Variants in CNTN5 observed in about 807,000 individuals in gnomAD.
CNTN5 encodes contactin 5.
A neutral mutation model predicts 129.1 loss-of-function variants in CNTN5; 77 were observed. The ratio of observed to expected loss-of-function variants is 0.60; its 90% CI spans 0.50 to 0.72. The LOEUF (loss-of-function observed/expected upper bound fraction) is 0.72, where lower values mean the gene tolerates loss of function less well. Ranked by LOEUF, CNTN5 falls within the 30% of genes least tolerant of loss-of-function variation. The pLI is 0.00. For missense variants in CNTN5, 1,478 were observed against 1,328.8 expected (o/e 1.11, Z -1.75); for synonymous variants, 509 against 465.6 (o/e 1.09, Z -1.20).
chr11:99,947,744 A>G (rs2136135674), intron 7 of CNTN5, among the ~76,000 whole-genome samples: 1 of 152,246 alleles, frequency 6.6e-6, no homozygotes, highest in South Asian at 2.1e-4. Flanking sequence ...TCACCTACCT[A>G]TAAGGGGGAC....
Position 99,262,589 on chromosome 11 carries a change from C to T in CNTN5, c.-209-62757C>T, listed in dbSNP as rs77639549. Among the ~76,000 whole-genome samples the T allele has an allele frequency of 1.4e-3, 201 of 146,952 alleles. 2 individuals are homozygous for T. The highest frequency in any genetic ancestry group is 4.9e-3 in the African/African-American group (190 of 38,392). On this transcript the variant is annotated intron_variant, in intron 1 of 24. Transcript: ENST00000524871. ...AAAAACATGTATTGCTTATCATAGA[C>T]TTCTTTGTTTCTTTTTTTTTTTCTC...
intron 1 of CNTN5, among the ~76,000 whole-genome samples, chr11:99,304,485 C>T (rs766234982): frequency 6.6e-6 from 1 of 152,164 alleles, no homozygotes; most frequent in African/African-American, 2.4e-5. Flanking sequence ...TAATACCAAA[C>T]TCCTTGCAAA....
At chr11:100,197,755 C>G (rs1948682524) in intron 15 of CNTN5, among the ~76,000 whole-genome samples, 1 of 151,996 alleles carries the variant, frequency 6.6e-6, no homozygotes, top group Non-Finnish European at 1.5e-5. Context: ...CACTGAATAT[C>G]ATGGTGGCCT....
chr11:99,243,906 C>T (rs1245636731), intron 1 of CNTN5, among the ~76,000 whole-genome samples: 1 of 151,648 alleles, frequency 6.6e-6, no homozygotes, highest in Non-Finnish European at 1.5e-5. Context: ...TGTGATGCCT[C>T]CAGCTGTATT....
rs533788066 is a variant in CNTN5 at position 99,868,975 on chromosome 11, C to T, written c.577+23713C>T. ...AGGCAATAGCAGTGATTTCAAACAC[C>T]AATTAAGTTGGAACGTTCAGACCCA... On this transcript the variant is annotated intron_variant, in intron 6 of 24. Transcript: ENST00000524871. Among the ~76,000 whole-genome samples, 7 of 152,194 alleles carry T rather than the reference C, an allele frequency of 4.6e-5. No homozygotes were observed. The East Asian group carries it at 7.7e-4, about 17-fold the overall frequency.
At chr11:100,173,823 A>T (rs984095441) in intron 13 of CNTN5, among the ~76,000 whole-genome samples, 1 of 152,076 alleles carries the variant, frequency 6.6e-6, no homozygotes, top group Admixed American at 6.6e-5. Context: ...AAGGGACCAC[A>T]ACAGAAGTTA....
At chr11:99,729,997 A>C (rs1258328273) in intron 3 of CNTN5, among the ~76,000 whole-genome samples, 1 of 152,104 alleles carries the variant, frequency 6.6e-6, no homozygotes, top group African/African-American at 2.4e-5. Flanking sequence ...CGTGTGCCAT[A>C]GTGGTTTGCT....
rs1174700390 is a variant in CNTN5 at position 99,742,673 on chromosome 11, C to T, written c.56-76871C>T. ...AAGTATTAGAGACTTGTGCAAGATT[C>T]CATGACAAGTCAGCAGCTGTGTTGA... On this transcript the variant is annotated intron_variant, in intron 3 of 24. Coordinates refer to ENST00000524871, the MANE Select transcript of CNTN5 (RefSeq NM_014361.4). Among the ~76,000 whole-genome samples the T allele has an allele frequency of 2.0e-5, 3 of 152,118 alleles. No homozygotes were observed. In the East Asian group the frequency reaches 5.8e-4, roughly 29 times the overall value.
At chr11:99,971,812 A>G (rs1281878650) in intron 8 of CNTN5, among the ~76,000 whole-genome samples, 1 of 151,742 alleles carries the variant, frequency 6.6e-6, no homozygotes, top group Non-Finnish European at 1.5e-5. Context: ...AGCAATAAAC[A>G]TTTTTAAATT....
At chr11:99,567,362 A>G (rs910445255) in intron 3 of CNTN5, among the ~76,000 whole-genome samples, 2 of 136,666 alleles carry the variant, frequency 1.5e-5, no homozygotes, top group Non-Finnish European at 3.3e-5. Flanking sequence ...CAACAACAAA[A>G]GGCATTTTTT....
intron 13 of CNTN5, among the ~76,000 whole-genome samples, chr11:100,119,052 A>AT (rs1945929560): frequency 6.6e-6 from 1 of 151,608 alleles, no homozygotes; most frequent in Non-Finnish European, 1.5e-5. Context: ...CAAAAAAAAA[A>AT]CAAAAAAGAA....
At chr11:99,093,445 G>GTTT (rs11399723) in intron 1 of CNTN5, among the ~76,000 whole-genome samples, 21 of 146,440 alleles carry the variant, frequency 1.4e-4, no homozygotes, top group African/African-American at 5.0e-4. Flanking sequence ...TTGTTTTTCT[G>GTTT]TTTTTTTTTT....
intron 1 of CNTN5, among the ~76,000 whole-genome samples, chr11:99,306,507 A>G (rs561927004): frequency 6.6e-6 from 1 of 152,274 alleles, no homozygotes; most frequent in South Asian, 2.1e-4. Context: ...CTCACACTGT[A>G]GATATTTCCA....
chr11:99,529,889 T>C (rs1394972294), intron 2 of CNTN5, among the ~76,000 whole-genome samples: 1 of 151,918 alleles, frequency 6.6e-6, no homozygotes, highest in Non-Finnish European at 1.5e-5. Context: ...GATTAGAAAA[T>C]GTTAAACAAA....
intron 2 of CNTN5, among the ~76,000 whole-genome samples, chr11:99,346,245 TTGA>T (rs768101127): frequency 2.0e-5 from 3 of 152,350 alleles, no homozygotes; most frequent in Non-Finnish European, 4.4e-5. Flanking sequence ...TTCTGCTTAA[TTGA>T]TGATGATCAA....
intron 1 of CNTN5, among the ~76,000 whole-genome samples, chr11:99,223,825 C>T (rs1299788449): frequency 6.6e-6 from 1 of 152,140 alleles, no homozygotes; most frequent in African/African-American, 2.4e-5. Flanking sequence ...AATTCTGCTG[C>T]CATGTGCAAG....
intron 7 of CNTN5, 137 bp downstream of exon 7, chr11:99,916,286 T>G (rs1343508592): frequency 1.6e-6 from 1 of 617,672 alleles, no homozygotes; most frequent in East Asian, 2.8e-5. Flanking sequence ...GAGTGCCAGA[T>G]GAGTAATTCA....
chr11:100,064,240 G>A (rs1943604001), intron 10 of CNTN5, among the ~76,000 whole-genome samples: 1 of 152,130 alleles, frequency 6.6e-6, no homozygotes, highest in East Asian at 1.9e-4. Context: ...AAGTACAATT[G>A]CAAGAATACT....
chr11:100,329,233 G>A (rs924747920), intron 21 of CNTN5, among the ~76,000 whole-genome samples: 1 of 152,070 alleles, frequency 6.6e-6, no homozygotes, highest in Non-Finnish European at 1.5e-5. Flanking sequence ...AACTCCACTG[G>A]ACTGGGAACC....
Sources: gnomAD v4.1 joint callset for allele counts (sites outside exome capture counted in the v4.1 genomes callset) on GRCh38, gnomAD v4.1.1 for gene constraint, MANE v1.5 for transcripts, NCBI Gene and HGNC (gene_info 2026-07-23, HGNC 2026-07-21) for gene names.